COL14A1: variants seen among roughly 807,000 people sequenced by gnomAD.
The protein encoded by COL14A1 is collagen type XIV alpha 1 chain, also known as collagen alpha-1(XIV) chain.
A neutral mutation model predicts 230.3 loss-of-function variants in COL14A1; 136 were observed. The observed-to-expected ratio is 0.59, with a 90% confidence interval of 0.51 to 0.68. COL14A1 has a LOEUF of 0.68. Among genes scored for constraint, COL14A1 ranks in the 30% least tolerant of loss-of-function variants. The pLI, the probability that COL14A1 is intolerant of heterozygous loss-of-function variation, is 0.00. For synonymous variants in COL14A1, 792 were observed against 784.1 expected, an observed-to-expected ratio of 1.01 and a Z score of -0.17; for missense variants, 1,976 against 2,215.8, an observed-to-expected ratio of 0.89 and a Z score of 2.17.
At chr8:120,219,048 T>C (rs1005625404) in intron 14 of COL14A1, among the ~76,000 whole-genome samples, 8 of 150,858 alleles carry the variant, frequency 5.3e-5, no homozygotes, top group African/African-American at 7.3e-5. Flanking sequence ...AATATAATTA[T>C]ATAATAATAA....
chr8:120,229,376 C>T (rs547446880), intron 18 of COL14A1, among the ~76,000 whole-genome samples: 23 of 150,440 alleles, frequency 1.5e-4, no homozygotes, highest in African/African-American at 5.4e-4. Context: ...GTTTTTTGTC[C>T]TTGCGATAGT....
intron 1 of COL14A1, among the ~76,000 whole-genome samples, chr8:120,133,638 A>T (rs925435036): frequency 6.6e-6 from 1 of 152,196 alleles, no homozygotes; most frequent in Non-Finnish European, 1.5e-5. Context: ...TGATACATTT[A>T]TATCAGTATA....
At chr8:120,217,839 G>A (rs539765439) in intron 14 of COL14A1, among the ~76,000 whole-genome samples, 41 of 151,528 alleles carry the variant, frequency 2.7e-4, no homozygotes, top group African/African-American at 9.7e-4. Context: ...GTAGGAGGAT[G>A]AGGAAGATAA....
chr8:120,221,929 A>G (rs1309543792), intron 14 of COL14A1, among the ~76,000 whole-genome samples: 1 of 152,244 alleles, frequency 6.6e-6, no homozygotes, highest in Non-Finnish European at 1.5e-5. Context: ...TGACAATTCA[A>G]AACATCAGAA....
At chr8:120,336,108 A>T (rs1822063057) in intron 42 of COL14A1, among the ~76,000 whole-genome samples, 1 of 152,178 alleles carries the variant, frequency 6.6e-6, no homozygotes, top group Non-Finnish European at 1.5e-5. Flanking sequence ...GTTGTGAGGG[A>T]TACAAAAGAT....
intron 1 of COL14A1, among the ~76,000 whole-genome samples, chr8:120,146,905 C>T (rs1408515885): frequency 3.3e-5 from 5 of 151,980 alleles, no homozygotes; most frequent in Admixed American, 6.6e-5. Flanking sequence ...GGAAGGATTT[C>T]AGAATTTCTC....
intron 42 of COL14A1, 147 bp from the exon 43 acceptor site, chr8:120,341,177 GT>G: frequency 1.3e-6 from 1 of 756,364 alleles, no homozygotes; most frequent in East Asian, 2.7e-5. Flanking sequence ...ACTGGTTGCT[GT>G]TTATTTTCTG....
rs371699003 is a variant in COL14A1 at position 120,211,207 on chromosome 8, G to A, written c.1468-1241G>A. ...CATCTTGCAAGCATTTTTCAATGCA[G>A]GCACTTGGTTGGAATAAAACATTGC... is the stretch of plus-strand genomic sequence containing the variant. On this transcript the variant is annotated intron_variant, in intron 12 of 47. Transcript: ENST00000297848. Among the ~76,000 whole-genome samples the A allele has an allele frequency of 1.1e-4, 16 of 152,212 alleles. No individual in the cohort carries two copies. The East Asian group carries it at 1.7e-3, about 17-fold the overall frequency.
intron 37 of COL14A1, among the ~76,000 whole-genome samples, chr8:120,312,400 C>T (rs1387237229): frequency 1.3e-5 from 2 of 152,252 alleles, no homozygotes; most frequent in Admixed American, 6.5e-5. Flanking sequence ...GTTACCAGTT[C>T]CATAGATTAG....
At chr8:120,332,104 C>T (rs1337420384) in intron 40 of COL14A1, 37 bp from the exon 41 acceptor site, 1 of 1,603,912 alleles carries the variant, frequency 6.2e-7, no homozygotes, top group Non-Finnish European at 8.5e-7. Flanking sequence ...CCATATAAAG[C>T]AACCACTTGC....
chr8:120,140,043 T>C (rs1266623049), intron 1 of COL14A1, among the ~76,000 whole-genome samples: 3 of 151,714 alleles, frequency 2.0e-5, no homozygotes, highest in Non-Finnish European at 4.4e-5. Context: ...CAAATCAAAA[T>C]AACAACAACA....
intron 40 of COL14A1, among the ~76,000 whole-genome samples, chr8:120,322,024 A>G (rs1448836488): frequency 6.6e-6 from 1 of 151,700 alleles, no homozygotes; most frequent in Non-Finnish European, 1.5e-5. Context: ...TTTTTGTTTT[A>G]ATTCACTGAA....
chr8:120,337,538 C>A (rs183794510), intron 42 of COL14A1, among the ~76,000 whole-genome samples: 1 of 152,156 alleles, frequency 6.6e-6, no homozygotes, highest in Admixed American at 6.5e-5. Context: ...ACGTTTCAAG[C>A]CAGCCTAAGA....
At chr8:120,254,637 T>C (rs1213443191) in intron 22 of COL14A1, among the ~76,000 whole-genome samples, 1 of 152,048 alleles carries the variant, frequency 6.6e-6, no homozygotes, top group African/African-American at 2.4e-5. Context: ...CAACATTTCA[T>C]CATCCTTTGC....
chr8:120,217,420 T>A (rs1015772367), intron 14 of COL14A1, among the ~76,000 whole-genome samples: 5 of 152,220 alleles, frequency 3.3e-5, no homozygotes, highest in African/African-American at 4.8e-5. Flanking sequence ...TTTTCCCTTA[T>A]CTTGGTCCAG....
intron 31 of COL14A1, 47 bp downstream of exon 31, chr8:120,281,106 T>A: frequency 1.9e-6 from 3 of 1,541,894 alleles, no homozygotes; most frequent in Non-Finnish European, 2.6e-6. Flanking sequence ...GTTTATTATA[T>A]CTCACTGTGA....
At chr8:120,125,505 C>T (rs1814299194) in intron 1 of COL14A1, among the ~76,000 whole-genome samples, 165 bp downstream of exon 1, 1 of 152,052 alleles carries the variant, frequency 6.6e-6, no homozygotes, top group African/African-American at 2.4e-5. Flanking sequence ...CGGGATGGGA[C>T]GGGTACACCT....
At chr8:120,238,550 G>A (rs1818519718) in intron 19 of COL14A1, among the ~76,000 whole-genome samples, 1 of 152,204 alleles carries the variant, frequency 6.6e-6, no homozygotes. Context: ...GGGCTCCGTG[G>A]GGGTTGGATC....
chr8:120,300,389 C>G (rs1357744066), intron 35 of COL14A1, among the ~76,000 whole-genome samples: 1 of 152,042 alleles, frequency 6.6e-6, no homozygotes, highest in African/African-American at 2.4e-5. Context: ...AAAAAGTTTT[C>G]AAGACCTTTA....
Sources: allele counts gnomAD v4.1 joint callset (sites outside exome capture counted in the v4.1 genomes callset), GRCh38; gene constraint gnomAD v4.1.1; transcripts MANE v1.5; gene names NCBI Gene and HGNC (gene_info 2026-07-23, HGNC 2026-07-21).